The following FAT3 variants were observed in gnomAD, a reference collection of about 807,000 sequenced individuals.
FAT3 encodes protocadherin Fat 3.
A neutral mutation model predicts 310.2 loss-of-function variants in FAT3; 95 were observed. That is an observed-to-expected ratio of 0.31 (90% CI 0.26 to 0.36). The LOEUF (loss-of-function observed/expected upper bound fraction) is 0.36, where lower values mean the gene tolerates loss of function less well. Among genes scored for constraint, FAT3 ranks in the 10% least tolerant of loss-of-function variants. FAT3 has a pLI of 1.00. For missense variants in FAT3, 5,408 were observed against 5,715.6 expected (o/e 0.95, Z 1.74); for synonymous variants, 2,314 against 2,192.9 (o/e 1.06, Z -1.54).
At chr11:92,252,359 G>A (rs1339960378) in intron 1 of FAT3, among the ~76,000 whole-genome samples, 1 of 152,056 alleles carries the variant, frequency 6.6e-6, no homozygotes, top group Non-Finnish European at 1.5e-5. Flanking sequence ...GAAATCCTTT[G>A]GGTTTAACTA....
At chr11:92,429,139 T>C (rs1007280414) in intron 2 of FAT3, among the ~76,000 whole-genome samples, 2 of 152,208 alleles carry the variant, frequency 1.3e-5, no homozygotes, top group Non-Finnish European at 2.9e-5. Flanking sequence ...GTAGTGCCCT[T>C]CTTTGTCCTT....
At chr11:92,251,808 C>T (rs1260571703) in intron 1 of FAT3, among the ~76,000 whole-genome samples, 1 of 152,050 alleles carries the variant, frequency 6.6e-6, no homozygotes, top group African/African-American at 2.4e-5. Flanking sequence ...CCTCATGAAG[C>T]TTATTGTTTT....
At chr11:92,861,787 A>C (rs768943114) in intron 21 of FAT3, among the ~76,000 whole-genome samples, 12 of 152,258 alleles carry the variant, frequency 7.9e-5, no homozygotes, top group Non-Finnish European at 1.5e-4. Flanking sequence ...CTTTAGGTAC[A>C]GTATGTGCCT....
At chr11:92,651,114 C>T (rs1942363300) in intron 3 of FAT3, among the ~76,000 whole-genome samples, 1 of 152,202 alleles carries the variant, frequency 6.6e-6, no homozygotes, top group African/African-American at 2.4e-5. Flanking sequence ...GGTAGCCCTG[C>T]TCATCTCCTA....
At chr11:92,866,634 A>T in intron 21 of FAT3, 107 bp from the exon 22 acceptor site, 1 of 971,482 alleles carries the variant, frequency 1.0e-6, no homozygotes, top group Non-Finnish European at 1.5e-6. Flanking sequence ...AGTCATGTCC[A>T]CATTCCAGCT....
chr11:92,357,265 G>A (rs1434106484), intron 2 of FAT3, among the ~76,000 whole-genome samples: 1 of 152,152 alleles, frequency 6.6e-6, no homozygotes, highest in Non-Finnish European at 1.5e-5. Flanking sequence ...ATGAGCTGGG[G>A]CTGATAATTA....
chr11:92,344,517 AAT>A (rs1477860380), intron 1 of FAT3, among the ~76,000 whole-genome samples: 1 of 152,204 alleles, frequency 6.6e-6, no homozygotes, highest in African/African-American at 2.4e-5. Context: ...TGGCAATTTT[AAT>A]ATGCTGGAAA....
At chr11:92,788,330 C>T (rs912787315) in intron 7 of FAT3, among the ~76,000 whole-genome samples, 7 of 152,020 alleles carry the variant, frequency 4.6e-5, no homozygotes, top group African/African-American at 1.7e-4. Flanking sequence ...TTCATGAGTT[C>T]ATAATAATGG....
intron 2 of FAT3, among the ~76,000 whole-genome samples, chr11:92,416,397 AG>A (rs1220385667): frequency 2.0e-5 from 3 of 150,796 alleles, no homozygotes; most frequent in Non-Finnish European, 4.4e-5. Flanking sequence ...AAAAAAAAAA[AG>A]AAAGAAAGAA....
At position 92,800,087 on chromosome 11, in the gene FAT3, A is replaced by G. The variant is rs775960333; in HGVS notation, c.7074A>G (p.Gln2358=). 7 of 1,613,900 alleles carry G rather than the reference A, an allele frequency of 4.3e-6. No homozygotes were observed. The East Asian group carries it at 8.9e-5, about 21-fold the overall frequency. ...TARMLDHELV[Q]HCTLKVRSID... The stretch of plus-strand genomic sequence containing the variant: ...GAATGCTGGACCATGAGTTAGTACA[A>G]CACTGCACTTTGAAAGTCAGATCAA... The change falls in exon 10 of 28, where the codon CAA becomes CAG. Residue 2358 remains glutamine (Q), a synonymous_variant. Coordinates refer to ENST00000525166, the MANE Select transcript of FAT3 (RefSeq NM_001367949.2).
chr11:92,614,473 T>C (rs1268357853), intron 3 of FAT3, among the ~76,000 whole-genome samples: 1 of 152,218 alleles, frequency 6.6e-6, no homozygotes, highest in African/African-American at 2.4e-5. Context: ...ATTTTGGTTT[T>C]GATTTTGATT....
intron 3 of FAT3, among the ~76,000 whole-genome samples, chr11:92,553,190 A>G (rs915587792): frequency 1.3e-5 from 2 of 152,306 alleles, no homozygotes; most frequent in African/African-American, 4.8e-5. Context: ...TTAATATTCC[A>G]GTTGTATTTT....
intron 3 of FAT3, among the ~76,000 whole-genome samples, chr11:92,533,777 AACC>A (rs1269384832): frequency 1.3e-5 from 2 of 152,132 alleles, no homozygotes; most frequent in Non-Finnish European, 2.9e-5. Context: ...ATGTCCTGCT[AACC>A]CACTGAGAAA....
intron 6 of FAT3, chr11:92,766,555 A>C (rs575484660): frequency 1.3e-5 from 2 of 152,238 alleles, no homozygotes; most frequent in Non-Finnish European, 2.9e-5. Flanking sequence ...ACTTCCAAAA[A>C]AGCAAAGAGC....
At chr11:92,241,535 G>A (rs1329304440) in intron 1 of FAT3, among the ~76,000 whole-genome samples, 1 of 151,928 alleles carries the variant, frequency 6.6e-6, no homozygotes, top group African/African-American at 2.4e-5. Flanking sequence ...GTCTGTGCTG[G>A]TAAATGTTCA....
At chr11:92,869,569 T>C (rs1949335679) in intron 22 of FAT3, among the ~76,000 whole-genome samples, 1 of 152,218 alleles carries the variant, frequency 6.6e-6, no homozygotes, top group Admixed American at 6.5e-5. Flanking sequence ...TTGCCCCTAT[T>C]GTCTATACCA....
chr11:92,298,803 T>A (rs1259936884), intron 1 of FAT3, among the ~76,000 whole-genome samples: 2 of 152,250 alleles, frequency 1.3e-5, no homozygotes, highest in Middle Eastern at 6.8e-3. Context: ...TGAGTGAGAT[T>A]AGGACTCTCA....
At chr11:92,431,110 A>C (rs1950761468) in intron 2 of FAT3, among the ~76,000 whole-genome samples, 1 of 152,174 alleles carries the variant, frequency 6.6e-6, no homozygotes, top group Non-Finnish European at 1.5e-5. Flanking sequence ...TGGTTGAACT[A>C]GTTTACAGTC....
chr11:92,760,749 G>T (rs947237084), intron 4 of FAT3, among the ~76,000 whole-genome samples: 1 of 152,074 alleles, frequency 6.6e-6, no homozygotes. Context: ...CCACACTATC[G>T]ACATGTTAGG....
Sources: gnomAD v4.1 joint callset for allele counts (sites outside exome capture counted in the v4.1 genomes callset) on GRCh38, gnomAD v4.1.1 for gene constraint, MANE v1.5 for transcripts, NCBI Gene and HGNC (gene_info 2026-07-23, HGNC 2026-07-21) for gene names.